PTPRJ: variants seen among roughly 807,000 people sequenced by gnomAD.
The protein encoded by PTPRJ is receptor-type tyrosine-protein phosphatase eta.
A neutral mutation model predicts 141.3 loss-of-function variants in PTPRJ; 129 were observed. That is an observed-to-expected ratio of 0.91 (90% CI 0.79 to 1.06). The LOEUF (loss-of-function observed/expected upper bound fraction) is 1.06, where lower values mean the gene tolerates loss of function less well. PTPRJ is among the 50% of genes least tolerant of loss of function. The probability of loss-of-function intolerance (pLI) is 0.00; values close to 1 mark genes in which losing one functional copy is unlikely to be tolerated. For missense variants in PTPRJ, 1,601 were observed against 1,679.7 expected (o/e 0.95, Z 0.82); for synonymous variants, 610 against 640.5 (o/e 0.95, Z 0.72).
intron 1 of PTPRJ, among the ~76,000 whole-genome samples, chr11:47,988,948 C>T (rs1479696308): frequency 8.2e-6 from 1 of 121,382 alleles, no homozygotes; most frequent in Non-Finnish European, 1.6e-5. Context: ...AGTGCAGTGG[C>T]GCTGGGCTCA....
In PTPRJ at chr11:48,124,896, G is replaced by T. The variant is rs571594422; in HGVS notation, c.875-72G>T. 8.9e-6 allele frequency: 13 copies of T among 1,453,706 alleles called. No homozygotes were observed. The African/African-American group carries it at 1.8e-4, about 20-fold the overall frequency. The allele number at this position is 1,453,706 out of a possible 1,614,324, so 90.1% of individuals were successfully genotyped here. A position where few individuals can be genotyped will look rare whatever the true frequency, so the allele number is the denominator to read the frequency against. The stretch of plus-strand genomic sequence containing the variant: ...GTCTGATGGCCATCTGATGGGGTTG[G>T]GGCTCCGAAGGAAAATGGGGGATGT... On this transcript the variant is annotated intron_variant, in intron 5 of 24. Transcript: ENST00000418331.
chr11:48,095,200 C>T (rs1855972612), intron 1 of PTPRJ, among the ~76,000 whole-genome samples: 1 of 152,210 alleles, frequency 6.6e-6, no homozygotes, highest in Non-Finnish European at 1.5e-5. Flanking sequence ...GTTGTCTCAG[C>T]AGCGTGCCCT....
chr11:48,101,650 C>T (rs981807257), intron 1 of PTPRJ, among the ~76,000 whole-genome samples: 17 of 152,208 alleles, frequency 1.1e-4, no homozygotes, highest in Admixed American at 7.9e-4. Flanking sequence ...AATATACACC[C>T]AGCTGGGCAG....
chr11:48,110,547 G>T lies in PTPRJ; in HGVS notation c.115+471G>T, dbSNP rs377417765. 4.6e-5 allele frequency among the ~76,000 whole-genome samples: 7 copies of T among 152,206 alleles called. No individual in the cohort carries two copies. In the East Asian group the frequency reaches 1.2e-3, roughly 25 times the overall value. On this transcript the variant is annotated intron_variant, in intron 2 of 24. Transcript: ENST00000418331. ...GTGAGGGTGGAAACAACAAATGAAA[G>T]AAAAAATTTTAATTAATTGTGCAAT...
intron 1 of PTPRJ, among the ~76,000 whole-genome samples, chr11:48,102,948 G>A (rs1263661954): frequency 6.6e-6 from 1 of 152,044 alleles, no homozygotes; most frequent in African/African-American, 2.4e-5. Flanking sequence ...TTTAGTCTTG[G>A]TACTGGGTGT....
chr11:48,041,158 A>G (rs533709788), intron 1 of PTPRJ, among the ~76,000 whole-genome samples: 2 of 152,042 alleles, frequency 1.3e-5, no homozygotes, highest in South Asian at 4.1e-4. Flanking sequence ...CCTCGCAACT[A>G]GATCATTCAC....
At chr11:48,052,253 A>G (rs976483236) in intron 1 of PTPRJ, among the ~76,000 whole-genome samples, 1 of 152,252 alleles carries the variant, frequency 6.6e-6, no homozygotes, top group South Asian at 2.1e-4. Flanking sequence ...TAGTAGAGGC[A>G]TGATTCAACT....
intron 1 of PTPRJ, among the ~76,000 whole-genome samples, chr11:48,054,124 G>C (rs993972839): frequency 2.0e-5 from 3 of 151,650 alleles, no homozygotes; most frequent in African/African-American, 7.3e-5. Flanking sequence ...GTTGAGATGG[G>C]GGTTTCACCA....
intron 1 of PTPRJ, among the ~76,000 whole-genome samples, chr11:47,998,590 T>C (rs1854405501): frequency 6.6e-6 from 1 of 152,208 alleles, no homozygotes; most frequent in Non-Finnish European, 1.5e-5. Flanking sequence ...TCAATTTTCT[T>C]GTGTGCCAAA....
intron 1 of PTPRJ, among the ~76,000 whole-genome samples, chr11:48,008,881 C>T (rs1259706604): frequency 1.3e-5 from 2 of 152,150 alleles, no homozygotes; most frequent in East Asian, 3.9e-4. Context: ...CGGTTTATTG[C>T]ATTTGCTTCT....
At chr11:48,140,593 G>C (rs1045248838) in intron 11 of PTPRJ, among the ~76,000 whole-genome samples, 2 of 152,170 alleles carry the variant, frequency 1.3e-5, no homozygotes, top group Admixed American at 1.3e-4. Context: ...CATTAACATG[G>C]GAACGCCACC....
At chr11:48,085,409 A>G (rs1855676028) in intron 1 of PTPRJ, among the ~76,000 whole-genome samples, 1 of 152,086 alleles carries the variant, frequency 6.6e-6, no homozygotes, top group Non-Finnish European at 1.5e-5. Context: ...CAATGGTACA[A>G]TCTTGGCTCA....
At chr11:48,079,793 TAAAGAGAGGGC>T (rs1855512929) in intron 1 of PTPRJ, among the ~76,000 whole-genome samples, 1 of 152,080 alleles carries the variant, frequency 6.6e-6, no homozygotes, top group East Asian at 1.9e-4. Context: ...TGCTTTAGCG[TAAAGAGAGGGC>T]CAGGAGGTCA....
Position 48,125,188 on chromosome 11 carries a change from T to C in PTPRJ, c.1093+2T>C. On this transcript the variant is annotated splice_donor_variant, in intron 6 of 24. Coordinates refer to ENST00000418331, the MANE Select transcript of PTPRJ (RefSeq NM_002843.4). LOFTEE classifies it high-confidence loss of function. The stretch of plus-strand genomic sequence containing the variant: ...CCCAGGCCATAGAGTTCAGGACAAG[T>C]AGGTTGAACTTTGTAAAATGGTGGC... The C allele has an allele frequency of 6.2e-7, 1 of 1,613,146 alleles. No homozygotes were observed. The highest frequency in any genetic ancestry group is 8.5e-7 in the Non-Finnish European group (1 of 1,179,196).
At chr11:48,028,380 T>C (rs1853882458) in intron 1 of PTPRJ, among the ~76,000 whole-genome samples, 1 of 152,220 alleles carries the variant, frequency 6.6e-6, no homozygotes, top group Non-Finnish European at 1.5e-5. Flanking sequence ...GGAAATCTCA[T>C]CACTGCTAAA....
chr11:48,020,004 C>T (rs1855068536), intron 1 of PTPRJ, among the ~76,000 whole-genome samples: 1 of 152,156 alleles, frequency 6.6e-6, no homozygotes, highest in South Asian at 2.1e-4. Context: ...GGGTTTCGTC[C>T]TGTGGCCTTC....
At chr11:48,072,867 C>T (rs150846623) in intron 1 of PTPRJ, among the ~76,000 whole-genome samples, 1,624 of 152,264 alleles carry the variant, frequency 0.011, 13 homozygotes, top group Non-Finnish European at 0.019. Context: ...ATTAAAACCC[C>T]ATGGTTTCTT....
At chr11:48,166,514 A>G (rs1049010218) in intron 24 of PTPRJ, among the ~76,000 whole-genome samples, 1 of 151,888 alleles carries the variant, frequency 6.6e-6, no homozygotes, top group African/African-American at 2.4e-5. Context: ...GGGTTTCACC[A>G]TGTTGGCCAG....
chr11:48,007,776 A>G (rs1410994057), intron 1 of PTPRJ, among the ~76,000 whole-genome samples: 1 of 152,200 alleles, frequency 6.6e-6, no homozygotes, highest in Non-Finnish European at 1.5e-5. Context: ...TTGTGAGTTG[A>G]CATCATGATG....
Sources: allele counts gnomAD v4.1 joint callset (sites outside exome capture counted in the v4.1 genomes callset), GRCh38; gene constraint gnomAD v4.1.1; transcripts MANE v1.5; gene names NCBI Gene and HGNC (gene_info 2026-07-23, HGNC 2026-07-21).